Variants in GRTP1 observed in about 807,000 individuals in gnomAD.
The protein encoded by GRTP1 is growth hormone regulated TBC protein 1, also known as growth hormone-regulated TBC protein 1.
Under a neutral mutation model 38.1 loss-of-function variants are expected in GRTP1, and 56 were observed. The observed-to-expected ratio is 1.47, with a 90% CI of 1.19 to 1.84. The LOEUF is 1.84. Ranked by LOEUF, GRTP1 falls within the 40% of genes most tolerant of loss-of-function variation. GRTP1 has a pLI of 0.00. For missense variants in GRTP1, 506 were observed against 453.9 expected, an observed-to-expected ratio of 1.11 and a Z score of -1.04; for synonymous variants, 217 against 189.5, an observed-to-expected ratio of 1.14 and a Z score of -1.19.
rs554894800 is a variant in GRTP1, at chr13:113,363,805, C to G, written c.138G>C (p.Trp46Cys). Residue 46 changes from tryptophan (W) to cysteine (C), a missense_variant, in exon 2 of 8, where the codon TGG becomes TGC. Physicochemically the swap from Trp to Cys is radical, Grantham distance 215. Coordinates refer to ENST00000375431, the MANE Select transcript of GRTP1 (RefSeq NM_024719.4). ...CGCCCCCGCCCTGCAGCAGCCGGGA[C>G]CATTTGATCGCCCTGCGGGTGAGCG... is the stretch of plus-strand genomic sequence containing the variant. ...LVTLTRRAIK[W>C]SRLLQGGGVP... is the part of the protein sequence containing the mutation. The G allele has an allele frequency of 6.2e-7, 1 of 1,611,640 alleles. No homozygotes were observed.
intron 5 of GRTP1, among the ~76,000 whole-genome samples, chr13:113,337,753 C>G (rs1160160338): frequency 6.6e-6 from 1 of 152,210 alleles, no homozygotes; most frequent in East Asian, 1.9e-4. Flanking sequence ...GGGGCGTGGC[C>G]CAGGCCACAT....
intron 5 of GRTP1, among the ~76,000 whole-genome samples, chr13:113,333,827 T>G (rs1300022406): frequency 9.0e-6 from 1 of 110,824 alleles, no homozygotes; most frequent in East Asian, 2.7e-4. Flanking sequence ...TATTTATTTA[T>G]TTATTTATTT....
chr13:113,346,228 A>AAGAG (rs2043124652), intron 4 of GRTP1, among the ~76,000 whole-genome samples: 3 of 11,070 alleles, frequency 2.7e-4, no homozygotes, highest in East Asian at 9.7e-3. Context: ...GTGGCTGAGA[A>AAGAG]CAGACCCGGG....
rs60140159 is a variant in GRTP1, at chr13:113,361,210, T to TA, written c.181+2551dup. Among the ~76,000 whole-genome samples, 260 of 125,310 alleles carry TA rather than the reference T, an allele frequency of 2.1e-3. 2 individuals are homozygous for TA. Among genetic ancestry groups the TA allele is most frequent in the African/African-American group, 4.4e-3 (142 of 32,000 alleles). The allele number at this position is 125,310 out of a possible 152,430, so 82.2% of individuals were successfully genotyped here. On this transcript the variant is annotated intron_variant, in intron 2 of 7. Coordinates refer to ENST00000375431, the MANE Select transcript of GRTP1 (RefSeq NM_024719.4). Reference sequence around the variant, plus strand: ...AGAAAGAGTTGATAGAGACCAATGCTAAAAAAAAAAAAAAAAAAAAGCAAA... The same window carrying TA: ...AGAAAGAGTTGATAGAGACCAATGCTAAAAAAAAAAAAAAAAAAAAAGCAAA...
intron 3 of GRTP1, chr13:113,351,770 G>C (rs1411436451): frequency 6.6e-6 from 1 of 152,246 alleles, no homozygotes; most frequent in Non-Finnish European, 1.5e-5. Context: ...AACTCCACTG[G>C]TTTCTGCTCC....
At chr13:113,332,367 ACGCACAC>A (rs2042887594) in intron 5 of GRTP1, among the ~76,000 whole-genome samples, 7 of 136,436 alleles carry the variant, frequency 5.1e-5, no homozygotes, top group African/African-American at 9.5e-5. Context: ...ACACGTGCAC[ACGCACAC>A]CACACACGCA....
In GRTP1 at chr13:113,326,004, G is replaced by A. The variant is rs74639337; in HGVS notation, c.650C>T (p.Ala217Val). The change falls in exon 6 of 8, where the codon GCC becomes GTC. Residue 217 changes from alanine to valine, a missense_variant. Physicochemically the swap from Ala to Val is moderately conservative, Grantham distance 64. Coordinates refer to ENST00000375431, the MANE Select transcript of GRTP1 (RefSeq NM_024719.4). Reference sequence around the variant, plus strand: ...CAGCACACCGAGACGCTCCATCAGGGCCCCCACAGCCGGCAGCTTCGCCCG... The same window carrying A: ...CAGCACACCGAGACGCTCCATCAGGACCCCCACAGCCGGCAGCTTCGCCCG... ...LVRAKLPAVG[A>V]LMERLGVLWT... 1.2e-6 allele frequency: 2 copies of A among 1,613,524 alleles called. No homozygotes were observed. The highest frequency in any genetic ancestry group is 2.2e-5 in the South Asian group (2 of 91,076).
chr13:113,331,836 T>C (rs577105174), intron 5 of GRTP1, among the ~76,000 whole-genome samples: 5 of 151,044 alleles, frequency 3.3e-5, no homozygotes, highest in South Asian at 2.1e-4. Context: ...TTTGTATTTT[T>C]AGTAGAGACG....
At chr13:113,325,371 G>A (rs957237802) in intron 7 of GRTP1, 1 of 1,428,016 alleles carries the variant, frequency 7.0e-7, no homozygotes, top group African/African-American at 1.4e-5. Flanking sequence ...GGGAGGCCGG[G>A]CCTCGGGAAG....
chr13:113,325,855 A>G lies in GRTP1; in HGVS notation c.736-9T>C. The G allele has an allele frequency of 6.2e-7, 1 of 1,613,844 alleles. No individual in the cohort carries two copies. The highest frequency in any genetic ancestry group is 8.5e-7 in the Non-Finnish European group (1 of 1,179,862). ...CAGATCCGAAGCACTGTCTGCAGAG[A>G]CATGGGAACCCGGTGTCACTCCCTG... On this transcript the variant is annotated splice_polypyrimidine_tract_variant and intron_variant, in intron 6 of 7. Coordinates refer to ENST00000375431, the MANE Select transcript of GRTP1 (RefSeq NM_024719.4).
intron 5 of GRTP1, among the ~76,000 whole-genome samples, chr13:113,335,384 T>C (rs998581664): frequency 1.3e-5 from 2 of 151,340 alleles, no homozygotes; most frequent in Admixed American, 6.6e-5. Context: ...GATCATGCCA[T>C]TGCACTCCAG....
At chr13:113,346,697 A>C (rs79329681) in intron 4 of GRTP1, among the ~76,000 whole-genome samples, 94 of 198 alleles carry the variant, frequency 0.47, 45 homozygotes, top group African/African-American at 0.75. Context: ...CCTCTGTGGC[A>C]GAGAGCAGAC....
chr13:113,344,251 C>T (rs1337015929), intron 5 of GRTP1, among the ~76,000 whole-genome samples: 6 of 152,108 alleles, frequency 3.9e-5, no homozygotes, highest in Non-Finnish European at 8.8e-5. Context: ...CAGAAGTTAC[C>T]AACTGAGGAA....
intron 4 of GRTP1, among the ~76,000 whole-genome samples, chr13:113,345,849 A>G (rs187081535): frequency 6.6e-6 from 1 of 152,322 alleles, no homozygotes; most frequent in East Asian, 1.9e-4. Flanking sequence ...CAAAAAGCAA[A>G]AGTAACCAGT....
rs2043050358 is a variant in GRTP1 at position 113,343,255 on chromosome 13, C to T, written c.562+1608G>A. On this transcript the variant is annotated intron_variant, in intron 5 of 7. Transcript: ENST00000375431. The surrounding 1 kb of genome is among the most constrained non-coding windows in gnomAD (Gnocchi z 4.8). ...ATCTGCCTCTAATTTCACCATTCCA[C>T]CTGGTCCAGGTGTTCACCGAACTGA... 6.6e-6 allele frequency among the ~76,000 whole-genome samples: 1 copy of T among 152,192 alleles called. No homozygotes were observed. Among genetic ancestry groups the T allele is most frequent in the African/African-American group, 2.4e-5 (1 of 41,454 alleles).
chr13:113,346,222 C>CCAAGAACAGA (rs2043123521), intron 4 of GRTP1, among the ~76,000 whole-genome samples: 1 of 126,514 alleles, frequency 7.9e-6, no homozygotes, highest in African/African-American at 3.0e-5. Context: ...ACCTCTGTGG[C>CCAAGAACAGA]TGAGAACAGA....
intron 5 of GRTP1, among the ~76,000 whole-genome samples, chr13:113,339,246 G>A (rs2042995985): frequency 6.6e-6 from 1 of 152,056 alleles, no homozygotes; most frequent in Admixed American, 6.6e-5. Flanking sequence ...TTCACACACA[G>A]TCCAGACACT....
At chr13:113,347,606 G>A (rs1422786187) in intron 4 of GRTP1, among the ~76,000 whole-genome samples, 3 of 76,498 alleles carry the variant, frequency 3.9e-5, no homozygotes, top group African/African-American at 1.6e-4. Flanking sequence ...AGACCCGGGA[G>A]GACCTCTGTG....
intron 2 of GRTP1, among the ~76,000 whole-genome samples, chr13:113,362,448 T>C (rs2043515720): frequency 1.3e-5 from 2 of 152,152 alleles, no homozygotes; most frequent in African/African-American, 4.8e-5. Context: ...GTGGGAAGCA[T>C]ATAGGATATT....
Sources: gnomAD v4.1 joint callset for allele counts (sites outside exome capture counted in the v4.1 genomes callset) on GRCh38, gnomAD v4.1.1 for gene constraint, Gnocchi (gnomAD v3.1) non-coding constraint, MANE v1.5 for transcripts, NCBI Gene and HGNC (gene_info 2026-07-23, HGNC 2026-07-21) for gene names.